The following PRP4K variants were observed in gnomAD, a reference collection of about 807,000 sequenced individuals.
PRP4K encodes pre-mRNA processing factor kinase PRP4K, also known as serine/threonine-protein kinase PRP4 homolog.
At chr6:4,063,278 T>G in the PRP4K span, 1 of 152,184 alleles carries the variant, frequency 6.6e-6, no homozygotes, top group Admixed American at 6.5e-5. Flanking sequence ...TTTATCATAC[T>G]TCCTGCCTCT....
the PRP4K span, among the ~76,000 whole-genome samples, chr6:4,053,577 A>G: frequency 5.3e-5 from 8 of 152,010 alleles, no homozygotes; most frequent in Non-Finnish European, 8.8e-5. Flanking sequence ...TTCACAATGT[A>G]TATGTTTTTA....
the PRP4K span, among the ~76,000 whole-genome samples, chr6:4,046,686 T>G: frequency 1.3e-5 from 2 of 149,524 alleles, no homozygotes; most frequent in South Asian, 2.1e-4. Flanking sequence ...TGAGCCAGAG[T>G]CCAATTCTGT....
the PRP4K span, chr6:4,031,609 T>A: frequency 6.3e-7 from 1 of 1,586,536 alleles, no homozygotes; most frequent in Non-Finnish European, 8.5e-7. Flanking sequence ...AATGGAGAAG[T>A]ATCAGAAGAC....
At chr6:4,025,680 C>A in the PRP4K span, among the ~76,000 whole-genome samples, 1 of 152,202 alleles carries the variant, frequency 6.6e-6, no homozygotes, top group African/African-American at 2.4e-5. Flanking sequence ...TTCCCAGAAG[C>A]TCTAGGAGCT....
chr6:4,053,199 GT>G, the PRP4K span, among the ~76,000 whole-genome samples: 2 of 152,212 alleles, frequency 1.3e-5, no homozygotes, highest in South Asian at 2.1e-4. Flanking sequence ...ACATGTTGCT[GT>G]TTTGAAATAA....
the PRP4K span, chr6:4,021,373 C>G: frequency 6.4e-7 from 1 of 1,554,330 alleles, no homozygotes; most frequent in Non-Finnish European, 8.7e-7. Flanking sequence ...TTCCCCTACC[C>G]TCCACCGTCC....
the PRP4K span, chr6:4,056,657 C>T: frequency 5.7e-6 from 9 of 1,565,776 alleles, no homozygotes; most frequent in African/African-American, 4.0e-5. Context: ...GGAAAATCCT[C>T]GACTTTAGAA....
chr6:4,029,516 C>G, the PRP4K span, among the ~76,000 whole-genome samples: 2 of 151,190 alleles, frequency 1.3e-5, no homozygotes, highest in African/African-American at 4.9e-5. Flanking sequence ...TCTCACCTAG[C>G]TAATTTTTTT....
At chr6:4,053,165 C>T in the PRP4K span, among the ~76,000 whole-genome samples, 21 of 152,110 alleles carry the variant, frequency 1.4e-4, no homozygotes, top group Non-Finnish European at 2.6e-4. Context: ...TGAGTTTCTT[C>T]TGTTATCTTT....
chr6:4,038,045 A>G, the PRP4K span, among the ~76,000 whole-genome samples: 1 of 152,298 alleles, frequency 6.6e-6, no homozygotes, highest in South Asian at 2.1e-4. Context: ...AAGGTGGTTT[A>G]TAAAGCAGGG....
At chr6:4,035,284 A>ATTTTTTTTTTTTTTTTTTTTTTTTTTT in the PRP4K span, among the ~76,000 whole-genome samples, 6 of 58,800 alleles carry the variant, frequency 1.0e-4, no homozygotes, top group South Asian at 1.1e-3. Context: ...CGCCCGGCTA[A>ATTTTTTTTTTTTTTTTTTTTTTTTTTT]TTTTTTTTTT....
At chr6:4,035,261 G>A in the PRP4K span, among the ~76,000 whole-genome samples, 1 of 141,364 alleles carries the variant, frequency 7.1e-6, no homozygotes, top group African/African-American at 2.7e-5. Context: ...GGGACTACAG[G>A]TGTGCGCCAC....
chr6:4,051,088 T>G, the PRP4K span, among the ~76,000 whole-genome samples: 12 of 152,030 alleles, frequency 7.9e-5, no homozygotes, highest in Non-Finnish European at 7.4e-5. Context: ...TCTTGTATTT[T>G]CACTAGAGAC....
chr6:4,035,107 TTTTTGTTTTG>T, the PRP4K span, among the ~76,000 whole-genome samples: 3 of 151,418 alleles, frequency 2.0e-5, no homozygotes, highest in Admixed American at 6.6e-5. Context: ...ATGTGTGTTG[TTTTTGTTTTG>T]TTTTGTTTTG....
At chr6:4,046,144 G>A in the PRP4K span, among the ~76,000 whole-genome samples, 9 of 152,200 alleles carry the variant, frequency 5.9e-5, no homozygotes, top group Non-Finnish European at 1.2e-4. Context: ...TGTGTTTTAC[G>A]ATAGTTCCCT....
chr6:4,042,491 G>T, the PRP4K span: 1 of 1,607,418 alleles, frequency 6.2e-7, no homozygotes, highest in Non-Finnish European at 8.5e-7. Context: ...TTTAAGCCTT[G>T]AAGACTTTGA....
At chr6:4,039,107 C>T in the PRP4K span, among the ~76,000 whole-genome samples, 3 of 152,082 alleles carry the variant, frequency 2.0e-5, no homozygotes, top group Non-Finnish European at 4.4e-5. Flanking sequence ...TTCCCAGATT[C>T]CTTTTGCTGC....
At chr6:4,041,604 C>G in the PRP4K span, among the ~76,000 whole-genome samples, 1 of 152,080 alleles carries the variant, frequency 6.6e-6, no homozygotes, top group Non-Finnish European at 1.5e-5. Flanking sequence ...TGGAATATCT[C>G]AAAAATAAAT....
chr6:4,032,589 A>G, the PRP4K span: 103 of 1,613,814 alleles, frequency 6.4e-5, no homozygotes, highest in Non-Finnish European at 5.9e-6. Context: ...TTTGTCTCCA[A>G]AACCACGTGA....
Sources: gnomAD v4.1 joint callset for allele counts (sites outside exome capture counted in the v4.1 genomes callset) on GRCh38, gnomAD v4.1.1 for gene constraint, MANE v1.5 for transcripts, NCBI Gene and HGNC (gene_info 2026-07-23, HGNC 2026-07-21) for gene names.